ZNF106: variants seen among roughly 807,000 people sequenced by gnomAD.
ZNF106 encodes SH3-domain binding protein 3.
Under a neutral mutation model 195.1 loss-of-function variants are expected in ZNF106, and 67 were observed. That is an observed-to-expected ratio of 0.34 (90% CI 0.28 to 0.42). The LOEUF is 0.42. Among genes scored for constraint, ZNF106 ranks in the 10% least tolerant of loss-of-function variants. The probability of loss-of-function intolerance (pLI) is 1.00; values close to 1 mark genes in which losing one functional copy is unlikely to be tolerated. For synonymous variants in ZNF106, 784 were observed against 818.6 expected (o/e 0.96, Z 0.72); for missense variants, 2,118 against 2,304.5 (o/e 0.92, Z 1.66).
At chr15:42,485,796 A>G (rs2141463668) in intron 1 of ZNF106, among the ~76,000 whole-genome samples, 1 of 152,300 alleles carries the variant, frequency 6.6e-6, no homozygotes, top group East Asian at 1.9e-4. Context: ...GAAAGCACCC[A>G]CCTGTCATAT....
At chr15:42,434,340 C>G (rs530798257) in intron 14 of ZNF106, among the ~76,000 whole-genome samples, 108 of 152,098 alleles carry the variant, frequency 7.1e-4, no homozygotes, top group Non-Finnish European at 1.2e-3. Context: ...AAAAAACAAA[C>G]AAACAAAAAA....
Position 42,444,236 on chromosome 15 carries a change from C to T in ZNF106, c.3387G>A (p.Arg1129=), listed in dbSNP as rs1305004646. The T allele has an allele frequency of 7.5e-6, 12 of 1,610,700 alleles. No individual in the cohort carries two copies. The highest frequency in any genetic ancestry group is 6.7e-5 in the African/African-American group (5 of 74,718). ...CCTGTAGAATCTGTATTCTATGGGTCCTCAGTGCACTCATCTCCATAGTTA... is the reference window on the plus strand; with the variant it reads ...CCTGTAGAATCTGTATTCTATGGGTTCTCAGTGCACTCATCTCCATAGTTA... ...QQITMEMSAL[R]THRIQILQGL... The change falls in exon 9 of 22, where the codon AGG becomes AGA. Residue 1129 remains arginine (R), a synonymous_variant. Transcript: ENST00000564754.
intron 17 of ZNF106, among the ~76,000 whole-genome samples, chr15:42,423,595 C>A (rs1001595211): frequency 2.6e-4 from 39 of 152,122 alleles, no homozygotes; most frequent in African/African-American, 9.4e-4. Flanking sequence ...CTAGGCTGGT[C>A]TCAAACTCCT....
intron 2 of ZNF106, 61 bp downstream of exon 2, chr15:42,472,175 A>C: frequency 6.9e-7 from 1 of 1,444,384 alleles, no homozygotes; most frequent in Non-Finnish European, 9.3e-7. Flanking sequence ...AACATCTATT[A>C]ATAACATGTC....
intron 2 of ZNF106, 82 bp downstream of exon 2, chr15:42,472,154 T>C (rs576027725): frequency 1.3e-5 from 17 of 1,294,148 alleles, no homozygotes; most frequent in Non-Finnish European, 1.6e-5. Context: ...CATATGTCTA[T>C]TAATATTAAT....
intron 2 of ZNF106, among the ~76,000 whole-genome samples, chr15:42,468,182 T>C (rs190785292): frequency 6.0e-5 from 9 of 150,818 alleles, no homozygotes; most frequent in African/African-American, 2.2e-4. Flanking sequence ...TTTCAAGAGT[T>C]TCTCCTGCCT....
chr15:42,474,750 AAAAG>A (rs898589375), intron 1 of ZNF106, among the ~76,000 whole-genome samples: 17 of 152,142 alleles, frequency 1.1e-4, no homozygotes, highest in African/African-American at 3.6e-4. Context: ...GCTCTCTATA[AAAAG>A]AAAGAAAGAA....
Position 42,413,202 on chromosome 15 carries a change from T to TA in ZNF106, c.*4101dup, listed in dbSNP as rs1287612027. The stretch of plus-strand genomic sequence containing the variant: ...TGGGCTTGGAGGTGAGGTTAGAGGT[T>TA]ACTGTCTAATACAGTAGGTCTGGTT... On this transcript the variant is annotated 3_prime_UTR_variant, in exon 22 of 22. Coordinates refer to ENST00000564754, the MANE Select transcript of ZNF106 (RefSeq NM_001366845.3). 2 of 152,210 alleles carry TA rather than the reference T, an allele frequency of 1.3e-5. No homozygotes were observed. The highest frequency in any genetic ancestry group is 4.8e-5 in the African/African-American group (2 of 41,452). 9.4% of individuals were successfully genotyped at this position (152,210 alleles called of 1,614,324 possible).
At chr15:42,485,483 G>T (rs1020234334) in intron 1 of ZNF106, among the ~76,000 whole-genome samples, 1 of 152,138 alleles carries the variant, frequency 6.6e-6, no homozygotes, top group African/African-American at 2.4e-5. Context: ...ATTCCTTCAT[G>T]GGTTTCTTCC....
At chr15:42,460,056 A>AG (rs1341967077) in intron 3 of ZNF106, among the ~76,000 whole-genome samples, 320 of 151,612 alleles carry the variant, frequency 2.1e-3, no homozygotes, top group Non-Finnish European at 3.0e-3. Flanking sequence ...AAAAAAAAAA[A>AG]AGAAAATATT....
intron 1 of ZNF106, among the ~76,000 whole-genome samples, chr15:42,486,767 T>C (rs879872395): frequency 2.6e-5 from 4 of 151,938 alleles, no homozygotes; most frequent in Non-Finnish European, 4.4e-5. Flanking sequence ...CAAGATCCTA[T>C]TGATGTTAAG....
At chr15:42,457,801 A>G (rs2056280555) in intron 3 of ZNF106, among the ~76,000 whole-genome samples, 1 of 152,232 alleles carries the variant, frequency 6.6e-6, no homozygotes, top group Non-Finnish European at 1.5e-5. Flanking sequence ...AGTTGTAGGA[A>G]GTTAACAGCT....
chr15:42,417,033 C>T lies in ZNF106; in HGVS notation c.*271G>A, dbSNP rs144779151. ...GTATCTTCAATAAACATCTGGAGAA[C>T]GCAAATAGCATATATCACTATATGC... On this transcript the variant is annotated 3_prime_UTR_variant, in exon 22 of 22. Transcript: ENST00000564754. The T allele has an allele frequency of 4.4e-3, 1,437 of 329,638 alleles. 16 individuals carry two copies. Among genetic ancestry groups the T allele is most frequent in the African/African-American group, 0.028 (1,340 of 47,032 alleles). 20.4% of individuals were successfully genotyped at this position (329,638 alleles called of 1,614,324 possible). A position where few individuals can be genotyped will look rare whatever the true frequency, so the allele number is the denominator to read the frequency against.
intron 20 of ZNF106, among the ~76,000 whole-genome samples, chr15:42,418,839 A>G (rs1242647265): frequency 6.6e-6 from 1 of 151,912 alleles, no homozygotes; most frequent in East Asian, 1.9e-4. Context: ...TTGAATCTCA[A>G]TCTTATGAAT....
chr15:42,418,697 C>G (rs1424266476), intron 20 of ZNF106, among the ~76,000 whole-genome samples: 1 of 151,666 alleles, frequency 6.6e-6, no homozygotes, highest in Non-Finnish European at 1.5e-5. Context: ...CTATTTTTAA[C>G]AATTCTAAGA....
intron 20 of ZNF106, among the ~76,000 whole-genome samples, chr15:42,418,558 T>TTTTTTTC (rs1256860572): frequency 1.4e-5 from 2 of 141,194 alleles, no homozygotes; most frequent in Admixed American, 7.6e-5. Flanking sequence ...TTTTTTTTTT[T>TTTTTTTC]AGTAAAGACA....
intron 15 of ZNF106, chr15:42,425,411 C>A (rs748429298): frequency 2.2e-4 from 38 of 171,222 alleles, no homozygotes; most frequent in Non-Finnish European, 4.5e-4. Flanking sequence ...CTATTTCTGT[C>A]ATCCAAAATT....
chr15:42,466,217 T>C (rs2056513683), intron 2 of ZNF106, 103 bp from the exon 3 acceptor site: 3 of 723,070 alleles, frequency 4.1e-6, no homozygotes, highest in Non-Finnish European at 2.1e-6. Context: ...AAACTCCTTA[T>C]GTCAAAATGT....
At chr15:42,420,532 T>C (rs948278434) in intron 20 of ZNF106, among the ~76,000 whole-genome samples, 4 of 152,070 alleles carry the variant, frequency 2.6e-5, no homozygotes, top group South Asian at 4.1e-4. Context: ...GTTCACGCCA[T>C]CAATGCTGAA....
Sources: gnomAD v4.1 joint callset for allele counts (sites outside exome capture counted in the v4.1 genomes callset) on GRCh38, gnomAD v4.1.1 for gene constraint, MANE v1.5 for transcripts, NCBI Gene and HGNC (gene_info 2026-07-23, HGNC 2026-07-21) for gene names.